Variants in PDE4A observed in about 807,000 individuals in gnomAD.
The protein encoded by PDE4A is 3',5'-cyclic-AMP phosphodiesterase 4A.
Under a neutral mutation model 73.9 loss-of-function variants are expected in PDE4A, and 21 were observed. The ratio of observed to expected loss-of-function variants is 0.28; its 90% CI spans 0.20 to 0.41. The LOEUF (loss-of-function observed/expected upper bound fraction) is 0.41, where lower values mean the gene tolerates loss of function less well. PDE4A is among the 10% of genes least tolerant of loss of function. The probability of loss-of-function intolerance (pLI) is 1.00; values close to 1 mark genes in which losing one functional copy is unlikely to be tolerated. For missense variants in PDE4A, 958 were observed against 1,211.4 expected (o/e 0.79, Z 3.10); for synonymous variants, 463 against 505.4 (o/e 0.92, Z 1.13).
chr19:10,452,385 C>G (rs952393693), intron 6 of PDE4A, among the ~76,000 whole-genome samples: 6 of 150,348 alleles, frequency 4.0e-5, no homozygotes, highest in African/African-American at 1.2e-4. Context: ...TGTGGTGAGC[C>G]GAGATCGTGC....
At chr19:10,425,518 G>A (rs988381804) in intron 1 of PDE4A, among the ~76,000 whole-genome samples, 3 of 152,198 alleles carry the variant, frequency 2.0e-5, no homozygotes, top group African/African-American at 7.2e-5. Flanking sequence ...CCCCCAAACC[G>A]CAAACCCGGC....
At position 10,446,243 on chromosome 19, in the gene PDE4A, C is replaced by G. The variant is rs545207308; in HGVS notation, c.346C>G (p.Pro116Ala). 17 of 1,586,956 alleles carry G rather than the reference C, an allele frequency of 1.1e-5. No individual in the cohort carries two copies. In the East Asian group the frequency reaches 3.9e-4, roughly 37 times the overall value. Residue 116 changes from proline to alanine, a missense_variant, in exon 2 of 15, where the codon CCA (proline) becomes GCA (alanine). Transcript: ENST00000380702. Reference sequence around the variant, plus strand: ...CTTCGAGGCAGAGAATGGGCCGACACCATCTCCTGGCCGCAGCCCCCTGGA... The same window carrying G: ...CTTCGAGGCAGAGAATGGGCCGACAGCATCTCCTGGCCGCAGCCCCCTGGA... ...RRFEAENGPT[P>A]SPGRSPLDSQ...
rs2042698019 is a variant in PDE4A, at chr19:10,424,918, G to A, written c.320+3834G>A. 6.6e-6 allele frequency among the ~76,000 whole-genome samples: 1 copy of A among 152,228 alleles called. No individual in the cohort carries two copies. The highest frequency in any genetic ancestry group is 1.5e-5 in the Non-Finnish European group (1 of 68,046). On this transcript the variant is annotated intron_variant, in intron 1 of 14. Transcript: ENST00000380702. This position sits in a 1 kb window ranked among gnomAD's most constrained non-coding sequence, Gnocchi z 4.8. ...CCCAAGGTCACACAGCGAGGAAGGT[G>A]AGAATAGGAGTTAAAAACCAGATCT...
intron 1 of PDE4A, among the ~76,000 whole-genome samples, chr19:10,433,662 C>G (rs2042824653): frequency 6.6e-6 from 1 of 152,216 alleles, no homozygotes; most frequent in Non-Finnish European, 1.5e-5. Context: ...AGACCTCCCT[C>G]TCCCCCAGTC....
intron 2 of PDE4A, among the ~76,000 whole-genome samples, chr19:10,447,957 G>C (rs1272934271): frequency 6.6e-6 from 1 of 151,984 alleles, no homozygotes; most frequent in Non-Finnish European, 1.5e-5. Flanking sequence ...CCCCGCCCTT[G>C]CAACATATTC....
chr19:10,459,353 G>T, intron 8 of PDE4A, 47 bp from the exon 9 acceptor site: 1 of 1,613,796 alleles, frequency 6.2e-7, no homozygotes, highest in Non-Finnish European at 8.5e-7. Flanking sequence ...GTTCTCCAGG[G>T]CCCTGAGCCT....
chr19:10,436,549 C>T (rs923668696), intron 1 of PDE4A, among the ~76,000 whole-genome samples: 16 of 132,346 alleles, frequency 1.2e-4, no homozygotes, highest in African/African-American at 5.1e-4. Flanking sequence ...GAGCGAAACT[C>T]CGTCTCAAAA....
At chr19:10,445,525 T>C (rs2145520607) in intron 1 of PDE4A, among the ~76,000 whole-genome samples, 1 of 152,198 alleles carries the variant, frequency 6.6e-6, no homozygotes, top group South Asian at 2.1e-4. Context: ...CCCAGCACTT[T>C]GGGAGGCCAA....
chr19:10,438,945 G>A (rs1386464618), intron 1 of PDE4A, among the ~76,000 whole-genome samples: 3 of 152,172 alleles, frequency 2.0e-5, no homozygotes, highest in African/African-American at 4.8e-5. Flanking sequence ...TCCTTTTTAA[G>A]GCTGAATTCT....
chr19:10,439,581 T>C (rs2042910086), intron 1 of PDE4A, among the ~76,000 whole-genome samples: 1 of 151,966 alleles, frequency 6.6e-6, no homozygotes, highest in Non-Finnish European at 1.5e-5. Flanking sequence ...AGAGACCTGG[T>C]TGGAATGGAG....
rs773392350 is a variant in PDE4A, at chr19:10,420,778, C to G, written c.14C>G (p.Thr5Ser). 4 of 1,573,508 alleles carry G rather than the reference C, an allele frequency of 2.5e-6. No individual in the cohort carries two copies. In the East Asian group the frequency reaches 7.2e-5, roughly 28 times the overall value. Residue 5 changes from threonine to serine, a missense_variant, in exon 1 of 15, where the codon ACC becomes AGC. By Grantham distance (58) the Thr-to-Ser change is moderately conservative. Coordinates refer to ENST00000380702, the MANE Select transcript of PDE4A (RefSeq NM_001111307.2). The surrounding 1 kb of genome is among the most constrained non-coding windows in gnomAD (Gnocchi z 6.0). MEPPTVPSERSLSLS... is the reference protein window; with the variant it reads MEPPSVPSERSLSLS... ...GGGGCCGGCGCCATGGAACCCCCGA[C>G]CGTCCCCTCGGAAAGGAGCCTGTCT... is the stretch of plus-strand genomic sequence containing the variant.
At chr19:10,443,381 C>CA (rs943006609) in intron 1 of PDE4A, among the ~76,000 whole-genome samples, 2 of 151,520 alleles carry the variant, frequency 1.3e-5, no homozygotes, top group Non-Finnish European at 2.9e-5. Context: ...CCCATCTCTA[C>CA]AAAAAATACA....
intron 14 of PDE4A, among the ~76,000 whole-genome samples, chr19:10,465,980 C>T (rs1374646291): frequency 1.4e-5 from 2 of 144,460 alleles, no homozygotes; most frequent in South Asian, 4.6e-4. Context: ...GGATTACAGG[C>T]GTGAGCCACT....
At chr19:10,451,038 C>A in intron 6 of PDE4A, 97 bp downstream of exon 6, 1 of 1,172,970 alleles carries the variant, frequency 8.5e-7, no homozygotes, top group Non-Finnish European at 1.2e-6. Flanking sequence ...GCGCGGCCTG[C>A]GGATGGAGCC....
chr19:10,421,187 G>C (rs1284381547), intron 1 of PDE4A, 103 bp downstream of exon 1: 6 of 1,333,874 alleles, frequency 4.5e-6, no homozygotes, highest in Non-Finnish European at 5.7e-6. Flanking sequence ...GGTGGGGTCG[G>C]TTTGGCTGGC....
intron 3 of PDE4A, 28 bp from the exon 4 acceptor site, chr19:10,449,052 C>T (rs1258389028): frequency 6.2e-7 from 1 of 1,612,494 alleles, no homozygotes. Context: ...AGGGGAACCC[C>T]ACTCCTCACT....
intron 14 of PDE4A, among the ~76,000 whole-genome samples, chr19:10,466,535 T>A (rs1311179289): frequency 6.9e-6 from 1 of 145,720 alleles, no homozygotes; most frequent in African/African-American, 2.5e-5. Context: ...TCTTGCTCTG[T>A]CACCCAGGCT....
chr19:10,450,537 C>T, intron 4 of PDE4A, 66 bp from the exon 5 acceptor site: 3 of 1,528,428 alleles, frequency 2.0e-6, no homozygotes, highest in Non-Finnish European at 2.6e-6. Flanking sequence ...TTCATGAAAG[C>T]GGGAGGCAGG....
chr19:10,468,956 A>G lies in PDE4A; in HGVS notation c.*1335A>G. On this transcript the variant is annotated 3_prime_UTR_variant, in exon 15 of 15. Coordinates refer to ENST00000380702, the MANE Select transcript of PDE4A (RefSeq NM_001111307.2). ...TTCTGCAGCTGGACCGACCTCATTC[A>G]TCGCCTGCCCCCTACCCAATTCTGA... The G allele has an allele frequency of 6.6e-6, 1 of 152,484 alleles. No homozygotes were observed. Among genetic ancestry groups the G allele is most frequent in the Non-Finnish European group, 1.5e-5 (1 of 68,090 alleles). The allele number at this position is 152,484 out of a possible 1,614,324, so 9.4% of individuals were successfully genotyped here.
Sources: gnomAD v4.1 joint callset for allele counts (sites outside exome capture counted in the v4.1 genomes callset) on GRCh38, gnomAD v4.1.1 for gene constraint, Gnocchi (gnomAD v3.1) non-coding constraint, MANE v1.5 for transcripts, NCBI Gene and HGNC (gene_info 2026-07-23, HGNC 2026-07-21) for gene names.